Variants in ZMPSTE24 observed in about 807,000 individuals in gnomAD.
The protein encoded by ZMPSTE24 is zinc metallopeptidase STE24.
Under a neutral mutation model 56.7 loss-of-function variants are expected in ZMPSTE24, and 48 were observed. The ratio of observed to expected loss-of-function variants is 0.85; its 90% CI spans 0.67 to 1.08. The LOEUF is 1.08. Ranked by LOEUF, ZMPSTE24 falls within the 50% of genes least tolerant of loss-of-function variation. The probability of loss-of-function intolerance (pLI) is 0.00; values close to 1 mark genes in which losing one functional copy is unlikely to be tolerated. For synonymous variants in ZMPSTE24, 172 were observed against 195.2 expected (o/e 0.88, Z 0.99); for missense variants, 503 against 548.7 (o/e 0.92, Z 0.83).
chr1:40,291,075 G>A, intron 9 of ZMPSTE24, 78 bp downstream of exon 9: 2 of 1,561,528 alleles, frequency 1.3e-6, no homozygotes, highest in South Asian at 1.1e-5. Context: ...TAGTGAAAAA[G>A]GAAATAGAAC....
chr1:40,272,464 T>A (rs1232385852), intron 6 of ZMPSTE24, among the ~76,000 whole-genome samples: 2 of 152,200 alleles, frequency 1.3e-5, no homozygotes, highest in Non-Finnish European at 2.9e-5. Flanking sequence ...AAGCCAGTGT[T>A]ATTGGCCTTG....
chr1:40,271,331 A>G (rs917921887), intron 5 of ZMPSTE24, among the ~76,000 whole-genome samples: 10 of 152,252 alleles, frequency 6.6e-5, no homozygotes, highest in African/African-American at 1.4e-4. Context: ...ACAGGTATCT[A>G]TTGTATGGCA....
In ZMPSTE24 at chr1:40,273,516, T is replaced by TCAAAAAAAAAAAA. The variant is rs1208318399; in HGVS notation, c.769+1481_769+1482insCAAAAAAAAAAAA. 3.4e-3 allele frequency among the ~76,000 whole-genome samples: 36 copies of TCAAAAAAAAAAAA among 10,584 alleles called. 9 individuals are homozygous for TCAAAAAAAAAAAA. Among genetic ancestry groups the TCAAAAAAAAAAAA allele is most frequent in the African/African-American group, 0.011 (19 of 1,768 alleles). The allele number at this position is 10,584 out of a possible 152,430, so 6.9% of individuals were successfully genotyped here. ...TGGGCAACAAGAGCCAAATTCTGTC[T>TCAAAAAAAAAAAA]AAAAAAAAAAAAAAAAAAAAAATAT... On this transcript the variant is annotated intron_variant, in intron 6 of 9. Coordinates refer to ENST00000372759, the MANE Select transcript of ZMPSTE24 (RefSeq NM_005857.5).
At chr1:40,262,522 A>G (rs1643507108) in intron 2 of ZMPSTE24, 2 of 156,256 alleles carry the variant, frequency 1.3e-5, no homozygotes, top group Admixed American at 1.3e-4. Flanking sequence ...TTTAGACACT[A>G]TTCTTTTTTT....
At chr1:40,263,730 CTTTTTT>C (rs1282418065) in intron 2 of ZMPSTE24, among the ~76,000 whole-genome samples, 1 of 124,184 alleles carries the variant, frequency 8.1e-6, no homozygotes, top group Non-Finnish European at 1.7e-5. Context: ...TTAGCTTCGA[CTTTTTT>C]TTTTTTTTTT....
At chr1:40,259,713 C>T (rs1194390675) in intron 1 of ZMPSTE24, among the ~76,000 whole-genome samples, 1 of 152,156 alleles carries the variant, frequency 6.6e-6, no homozygotes. Context: ...CAAACGACCC[C>T]TCCACCTCCA....
intron 8 of ZMPSTE24, among the ~76,000 whole-genome samples, chr1:40,287,315 C>T (rs1227293291): frequency 4.0e-5 from 6 of 151,512 alleles, no homozygotes; most frequent in South Asian, 2.1e-4. Flanking sequence ...GCGATCCACT[C>T]GCCTTGGCCT....
rs1416626280 is a variant in ZMPSTE24, at chr1:40,258,260, A to G, written c.-12A>G. ...CGGTGCACGCTGAAGGAGCCGGCGG[A>G]ACCGGGTGGCCATGGGGATGTGGGC... is the stretch of plus-strand genomic sequence containing the variant. On this transcript the variant is annotated 5_prime_UTR_variant, in exon 1 of 10. Transcript: ENST00000372759. 1 of 1,613,182 alleles carries G rather than the reference A, an allele frequency of 6.2e-7. No homozygotes were observed. Among genetic ancestry groups the G allele is most frequent in the Non-Finnish European group, 8.5e-7 (1 of 1,179,932 alleles).
intron 6 of ZMPSTE24, among the ~76,000 whole-genome samples, chr1:40,274,703 C>G (rs1643651353): frequency 6.6e-6 from 1 of 152,194 alleles, no homozygotes; most frequent in African/African-American, 2.4e-5. Context: ...AGGAAAGTGA[C>G]ATGATCTGCT....
Position 40,267,872 on chromosome 1 carries a change from G to A in ZMPSTE24, c.357G>A (p.Glu119=), listed in dbSNP as rs376031534. The change falls in exon 3 of 10, where the codon GAG becomes GAA. Residue 119 remains glutamate, a splice_region_variant and synonymous_variant. Transcript: ENST00000372759. ...CGYAGFGPEY[E]ITQSLVFLLL... ...ATGCTGGCTTTGGACCAGAATATGA[G>A]GTATGTGATTCATTAGCATGTATTT... 1 of 1,610,370 alleles carries A rather than the reference G, an allele frequency of 6.2e-7. No homozygotes were observed. The highest frequency in any genetic ancestry group is 8.5e-7 in the Non-Finnish European group (1 of 1,176,692).
intron 7 of ZMPSTE24, among the ~76,000 whole-genome samples, chr1:40,283,325 G>A (rs1044458700): frequency 6.6e-6 from 1 of 151,962 alleles, no homozygotes; most frequent in African/African-American, 2.4e-5. Context: ...CCAACATGAC[G>A]AAACCCCTGT....
Position 40,290,242 on chromosome 1 carries a change from G to A in ZMPSTE24, c.1060-612G>A, listed in dbSNP as rs960264454. Among the ~76,000 whole-genome samples, 6 of 151,002 alleles carry A rather than the reference G, an allele frequency of 4.0e-5. 1 individual carries two copies. The South Asian group carries it at 8.5e-4, about 21-fold the overall frequency. The stretch of plus-strand genomic sequence containing the variant: ...CTTCTAAAAATACAAAAAATTAGCC[G>A]GGCATGGTGGGGGGCGCCTGTAGTC... On this transcript the variant is annotated intron_variant, in intron 8 of 9. Transcript: ENST00000372759.
At chr1:40,278,414 C>T (rs959391975) in intron 6 of ZMPSTE24, among the ~76,000 whole-genome samples, 7 of 150,884 alleles carry the variant, frequency 4.6e-5, no homozygotes, top group South Asian at 2.1e-4. Context: ...AAAAATTAGC[C>T]GGGCGTGGTA....
chr1:40,279,143 GAAA>G (rs1405371548), intron 6 of ZMPSTE24, among the ~76,000 whole-genome samples: 6 of 151,214 alleles, frequency 4.0e-5, no homozygotes, highest in Admixed American at 3.9e-4. Flanking sequence ...TGTCTCAAAA[GAAA>G]AAAAGGTATG....
chr1:40,262,596 A>G (rs192580272), intron 2 of ZMPSTE24: 106 of 167,440 alleles, frequency 6.3e-4, no homozygotes, highest in Non-Finnish European at 9.8e-4. Flanking sequence ...TGGTCCAAAA[A>G]AGACTAAAGG....
At chr1:40,287,562 C>G (rs569323408) in intron 8 of ZMPSTE24, among the ~76,000 whole-genome samples, 1 of 151,728 alleles carries the variant, frequency 6.6e-6, no homozygotes, top group East Asian at 2.0e-4. Flanking sequence ...GTAATCCCAG[C>G]TACTTGGGAG....
chr1:40,268,183 G>A (rs1163969867), intron 3 of ZMPSTE24, among the ~76,000 whole-genome samples: 1 of 152,192 alleles, frequency 6.6e-6, no homozygotes, highest in East Asian at 1.9e-4. Flanking sequence ...TTGTCTGTAT[G>A]ATTTAAGGTA....
chr1:40,266,583 A>G (rs1643550735), intron 2 of ZMPSTE24, among the ~76,000 whole-genome samples: 1 of 152,062 alleles, frequency 6.6e-6, no homozygotes, highest in Non-Finnish European at 1.5e-5. Context: ...TGACCCAGCA[A>G]AGACACAGAT....
At chr1:40,263,499 A>G (rs1643518826) in intron 2 of ZMPSTE24, among the ~76,000 whole-genome samples, 1 of 152,222 alleles carries the variant, frequency 6.6e-6, no homozygotes, top group Non-Finnish European at 1.5e-5. Flanking sequence ...AGTCTTTAAA[A>G]TGACATTGAA....
Sources: gnomAD v4.1 joint callset for allele counts (sites outside exome capture counted in the v4.1 genomes callset) on GRCh38, gnomAD v4.1.1 for gene constraint, MANE v1.5 for transcripts, NCBI Gene and HGNC (gene_info 2026-07-23, HGNC 2026-07-21) for gene names.